Variants in ZNF423 observed in about 807,000 individuals in gnomAD.
The protein encoded by ZNF423 is zinc finger protein 423.
In ZNF423, 12 loss-of-function variants were observed where a neutral mutation model predicts 95.8. The observed-to-expected ratio is 0.13, with a 90% CI of 0.08 to 0.20. The LOEUF (loss-of-function observed/expected upper bound fraction) is 0.20. ZNF423 is among the 10% of genes least tolerant of loss of function. ZNF423 has a pLI of 1.00. For missense variants in ZNF423, 1,316 were observed against 1,737.1 expected, an observed-to-expected ratio of 0.76 and a Z score of 4.31; for synonymous variants, 749 against 711.9, an observed-to-expected ratio of 1.05 and a Z score of -0.83.
rs764527468 is a variant in ZNF423 at position 49,638,237 on chromosome 16, G to A, written c.939C>T (p.Val313=). The A allele has an allele frequency of 5.6e-6, 9 of 1,610,508 alleles. No individual in the cohort carries two copies. Among genetic ancestry groups the A allele is most frequent in the East Asian group, 4.5e-5 (2 of 44,872 alleles). ...TATGGGCGAGCAGTGTGTTCTCGTC[G>A]ACGAAGACCTCAGGGCAGTGAATGC... is the stretch of plus-strand genomic sequence containing the variant. The part of the protein sequence containing the change: ...LQCIHCPEVF[V]DENTLLAHIH... Residue 313 remains valine, a synonymous_variant, in exon 4 of 8, where the codon GTC becomes GTT. Transcript: ENST00000563137. This position sits in a 1 kb window ranked among gnomAD's most constrained non-coding sequence, Gnocchi z 5.6.
intron 5 of ZNF423, among the ~76,000 whole-genome samples, chr16:49,560,095 T>C (rs1969967364): frequency 6.6e-6 from 1 of 152,128 alleles, no homozygotes; most frequent in Non-Finnish European, 1.5e-5. Context: ...GATTCTGCTA[T>C]CTCACAAGCA....
intron 7 of ZNF423, among the ~76,000 whole-genome samples, chr16:49,504,606 CAGGATCTTAGA>C (rs113477206): frequency 0.11 from 17,296 of 152,156 alleles, 1,172 homozygotes; most frequent in East Asian, 0.2. Flanking sequence ...AAAAAGTGGG[CAGGATCTTAGA>C]AGGTAAGAGA....
At chr16:49,676,839 T>C (rs1470432177) in intron 3 of ZNF423, among the ~76,000 whole-genome samples, 3 of 152,146 alleles carry the variant, frequency 2.0e-5, no homozygotes, top group African/African-American at 7.2e-5. Flanking sequence ...GGAGTGGGGA[T>C]GGTGGACTTA....
chr16:49,718,113 T>C (rs1470538112), intron 3 of ZNF423, among the ~76,000 whole-genome samples: 3 of 152,118 alleles, frequency 2.0e-5, no homozygotes, highest in Admixed American at 6.5e-5. Flanking sequence ...CAGCACACAG[T>C]AGATGCTTTT....
intron 5 of ZNF423, among the ~76,000 whole-genome samples, chr16:49,567,735 C>T (rs1413668972): frequency 6.6e-6 from 1 of 152,204 alleles, no homozygotes; most frequent in African/African-American, 2.4e-5. Flanking sequence ...GCCTCCTCTG[C>T]CCATGTGGCC....
At chr16:49,725,315 G>A (rs143771766) in intron 3 of ZNF423, among the ~76,000 whole-genome samples, 4 of 152,242 alleles carry the variant, frequency 2.6e-5, no homozygotes, top group African/African-American at 4.8e-5. Context: ...ACAGGAAGTC[G>A]AGGCTGCAGT....
intron 5 of ZNF423, among the ~76,000 whole-genome samples, chr16:49,562,515 T>C (rs904902449): frequency 6.6e-6 from 1 of 152,144 alleles, no homozygotes; most frequent in Non-Finnish European, 1.5e-5. Context: ...AGGAAAGTAT[T>C]TGTATCAGGT....
At chr16:49,817,165 G>C (rs2034868395) in intron 1 of ZNF423, among the ~76,000 whole-genome samples, 1 of 152,190 alleles carries the variant, frequency 6.6e-6, no homozygotes, top group South Asian at 2.1e-4. Flanking sequence ...CAAGTAGCTG[G>C]GGCACGCCTG....
chr16:49,605,281 A>G (rs1356260128), intron 5 of ZNF423, among the ~76,000 whole-genome samples: 5 of 152,094 alleles, frequency 3.3e-5, no homozygotes, highest in Non-Finnish European at 7.4e-5. Flanking sequence ...CCCAAGTTCC[A>G]TCTCTTCTCT....
At chr16:49,533,788 C>T (rs1454264433) in intron 5 of ZNF423, among the ~76,000 whole-genome samples, 1 of 152,190 alleles carries the variant, frequency 6.6e-6, no homozygotes, top group Non-Finnish European at 1.5e-5. Flanking sequence ...GTGTCTCAGT[C>T]TCTGACTGTG....
rs1972730000 is a variant in ZNF423 at position 49,636,674 on chromosome 16, C to A, written c.2502G>T (p.Leu834=). 1 of 1,614,118 alleles carries A rather than the reference C, an allele frequency of 6.2e-7. No individual in the cohort carries two copies. Among genetic ancestry groups the A allele is most frequent in the South Asian group, 1.1e-5 (1 of 91,084 alleles). Residue 834 remains leucine, a synonymous_variant, in exon 4 of 8, where the codon CTG becomes CTT. Transcript: ENST00000563137. This position sits in a 1 kb window ranked among gnomAD's most constrained non-coding sequence, Gnocchi z 8.6. The part of the protein sequence containing the change: ...FHAIILLEKH[L]REKHCVFDAA... ...CATCAAACACACAGTGCTTCTCCCG[C>A]AGGTGCTTCTCCAGCAGGATGATGG...
rs1183367417 is a variant in ZNF423, at chr16:49,638,020, C to T, written c.1156G>A (p.Val386Met). The change falls in exon 4 of 8, where the codon GTG becomes ATG. Residue 386 changes from valine to methionine, a missense_variant. This residue lies in a region of ZNF423 where 399 missense variants were observed against 478.5 expected (regional missense o/e 0.83). Coordinates refer to ENST00000563137, the MANE Select transcript of ZNF423 (RefSeq NM_001379286.1). This position sits in a 1 kb window ranked among gnomAD's most constrained non-coding sequence, Gnocchi z 5.6. ...GAGTCCGGGGTGGAGCCACGCTCCA[C>T]AGAGGCGCTGGAGTCGGGTGTGGCG... ...SSATPDSSAS[V>M]ERGSTPDSTL... 1.2e-6 allele frequency: 2 copies of T among 1,614,136 alleles called. No homozygotes were observed. The highest frequency in any genetic ancestry group is 2.7e-5 in the African/African-American group (2 of 75,070).
At chr16:49,778,859 G>T (rs931795124) in intron 2 of ZNF423, among the ~76,000 whole-genome samples, 10 of 152,196 alleles carry the variant, frequency 6.6e-5, no homozygotes, top group African/African-American at 2.4e-4. Flanking sequence ...GGTGCCAGGT[G>T]GCACCTTAGG....
chr16:49,679,745 C>G (rs1039023459), intron 3 of ZNF423, among the ~76,000 whole-genome samples: 5 of 152,210 alleles, frequency 3.3e-5, no homozygotes, highest in Non-Finnish European at 7.3e-5. Flanking sequence ...AGGGGCGGGT[C>G]CCCAGTGAAG....
chr16:49,621,547 CA>C (rs1322871721), intron 5 of ZNF423, among the ~76,000 whole-genome samples: 1 of 152,154 alleles, frequency 6.6e-6, no homozygotes, highest in Admixed American at 6.5e-5. Flanking sequence ...GTCCGGGTCC[CA>C]GGGGAGGCCT....
intron 1 of ZNF423, among the ~76,000 whole-genome samples, chr16:49,801,110 C>T (rs1479918281): frequency 6.6e-6 from 1 of 152,238 alleles, no homozygotes; most frequent in Non-Finnish European, 1.5e-5. Flanking sequence ...AAAACAGTCC[C>T]TCGCAGCTCT....
At chr16:49,754,807 CT>C (rs1158292745) in intron 2 of ZNF423, among the ~76,000 whole-genome samples, 1 of 152,292 alleles carries the variant, frequency 6.6e-6, no homozygotes, top group East Asian at 1.9e-4. Context: ...AAAGAAAAAA[CT>C]TTTTTTGCCA....
chr16:49,520,601 C>A (rs916249711), intron 7 of ZNF423, among the ~76,000 whole-genome samples: 2 of 152,144 alleles, frequency 1.3e-5, no homozygotes, highest in Admixed American at 1.3e-4. Flanking sequence ...ATACCAGGTG[C>A]CTGGAATTTC....
intron 2 of ZNF423, among the ~76,000 whole-genome samples, chr16:49,788,440 C>T (rs2034354116): frequency 6.6e-6 from 1 of 152,218 alleles, no homozygotes; most frequent in African/African-American, 2.4e-5. Context: ...TCGTAAGTCA[C>T]AAATGTCTAT....
Sources: gnomAD v4.1 joint callset for allele counts (sites outside exome capture counted in the v4.1 genomes callset) on GRCh38, gnomAD v4.1.1 for gene constraint, gnomAD v4.1.1 regional missense constraint, Gnocchi (gnomAD v3.1) non-coding constraint, MANE v1.5 for transcripts, NCBI Gene and HGNC (gene_info 2026-07-23, HGNC 2026-07-21) for gene names.